DDX60: variants seen among roughly 807,000 people sequenced by gnomAD.
DDX60 encodes probable ATP-dependent RNA helicase DDX60.
Under a neutral mutation model 212.8 loss-of-function variants are expected in DDX60, and 165 were observed. That is an observed-to-expected ratio of 0.78 (90% CI 0.68 to 0.88). DDX60 has a LOEUF of 0.88. DDX60 is among the 40% of genes least tolerant of loss of function. The pLI is 0.00. For synonymous variants in DDX60, 703 were observed against 685.3 expected, an observed-to-expected ratio of 1.03 and a Z score of -0.40; for missense variants, 1,905 against 2,003.9, an observed-to-expected ratio of 0.95 and a Z score of 0.94.
rs755116660 is a variant in DDX60, at chr4:168,237,418, C to A, written c.4279G>T (p.Asp1427Tyr). 1 of 1,564,818 alleles carries A rather than the reference C, an allele frequency of 6.4e-7. No homozygotes were observed. Among genetic ancestry groups the A allele is most frequent in the South Asian group, 1.3e-5 (1 of 79,836 alleles). Residue 1427 changes from aspartate to tyrosine, a missense_variant, in exon 32 of 38, where the codon GAT (aspartate) becomes TAT (tyrosine). Physicochemically the swap from Asp to Tyr is radical, Grantham distance 160. Transcript: ENST00000393743. ...LQFLVKEGYL[D>Y]QEGNPMGFAG... Reference sequence around the variant, plus strand: ...AACCCCATAGGATTACCTTCTTGATCTAAATAGCCCTAAAGAACAAAAAAC... The same window carrying A: ...AACCCCATAGGATTACCTTCTTGATATAAATAGCCCTAAAGAACAAAAAAC...
intron 14 of DDX60, among the ~76,000 whole-genome samples, chr4:168,279,680 G>A (rs1735504964): frequency 6.6e-6 from 1 of 152,208 alleles, no homozygotes; most frequent in African/African-American, 2.4e-5. Flanking sequence ...CTGATTGATA[G>A]AGAGAGATTT....
chr4:168,254,355 C>T lies in DDX60; in HGVS notation c.3557+1356G>A, dbSNP rs1579004037. The stretch of plus-strand genomic sequence containing the variant: ...GAAGGCTTACACCTCCTATGCTGTC[C>T]CTGGGTTTTTACCTCCCATGCTTCT... On this transcript the variant is annotated intron_variant, in intron 26 of 37. Coordinates refer to ENST00000393743, the MANE Select transcript of DDX60 (RefSeq NM_017631.6). Among the ~76,000 whole-genome samples the T allele has an allele frequency of 4.6e-5, 7 of 152,020 alleles. 1 individual carries two copies. Among genetic ancestry groups the T allele is most frequent in the Admixed American group, 3.9e-4 (6 of 15,250 alleles).
intron 14 of DDX60, among the ~76,000 whole-genome samples, chr4:168,279,546 G>A (rs1347096635): frequency 6.6e-6 from 1 of 152,148 alleles, no homozygotes; most frequent in Admixed American, 6.5e-5. Context: ...AAGATGCAAT[G>A]GATTAATTAA....
chr4:168,277,380 T>A (rs1315869819), intron 14 of DDX60, among the ~76,000 whole-genome samples: 1 of 152,166 alleles, frequency 6.6e-6, no homozygotes, highest in Non-Finnish European at 1.5e-5. Context: ...CACAACCTTA[T>A]AAGTTGTTCT....
intron 6 of DDX60, 53 bp from the exon 7 acceptor site, chr4:168,293,998 T>C: frequency 6.5e-7 from 1 of 1,538,072 alleles, no homozygotes; most frequent in Non-Finnish European, 8.8e-7. Context: ...AATATTTTTA[T>C]TTGTAAGTGA....
chr4:168,267,547 T>G (rs1293163830), intron 22 of DDX60, 35 bp downstream of exon 22: 1 of 1,091,510 alleles, frequency 9.2e-7, no homozygotes, highest in Non-Finnish European at 1.3e-6. Context: ...ATATTTTATA[T>G]TACTTAGAAC....
At chr4:168,320,234 A>C (rs1040503216), upstream of DDX60, among the ~76,000 whole-genome samples, 3 of 152,188 alleles carry the variant, frequency 2.0e-5, no homozygotes, top group African/African-American at 7.2e-5. Flanking sequence ...AGATTAAATA[A>C]GAATCTTTAG....
chr4:168,254,639 A>C (rs1189779627), intron 26 of DDX60, among the ~76,000 whole-genome samples: 2 of 152,232 alleles, frequency 1.3e-5, no homozygotes, highest in East Asian at 3.8e-4. Context: ...AAAGAAATAC[A>C]TATAAACAAC....
At chr4:168,315,796 T>C (rs1737344423) in intron 1 of DDX60, among the ~76,000 whole-genome samples, 1 of 152,220 alleles carries the variant, frequency 6.6e-6, no homozygotes, top group South Asian at 2.1e-4. Flanking sequence ...ATGGGGTATA[T>C]GTGCCACATT....
intron 20 of DDX60, 71 bp from the exon 21 acceptor site, chr4:168,268,054 G>A (rs1734928216): frequency 1.2e-5 from 16 of 1,324,216 alleles, no homozygotes; most frequent in Non-Finnish European, 1.7e-5. Context: ...AGTAGTTTAA[G>A]TAAAGACAAT....
At chr4:168,239,168 A>G (rs951584833) in intron 30 of DDX60, among the ~76,000 whole-genome samples, 1 of 152,196 alleles carries the variant, frequency 6.6e-6, no homozygotes, top group African/African-American at 2.4e-5. Context: ...TCAGACAAAC[A>G]AACATTATTG....
intron 25 of DDX60, among the ~76,000 whole-genome samples, chr4:168,257,556 T>C (rs1258125752): frequency 6.6e-6 from 1 of 152,240 alleles, no homozygotes; most frequent in Non-Finnish European, 1.5e-5. Flanking sequence ...CTTCTCTTTT[T>C]ACATTAATGC....
intron 30 of DDX60, among the ~76,000 whole-genome samples, chr4:168,241,231 G>C (rs1733825503): frequency 6.6e-6 from 1 of 152,150 alleles, no homozygotes; most frequent in South Asian, 2.1e-4. Context: ...CCACTCTTGG[G>C]TATGTCTTTA....
Position 168,248,263 on chromosome 4 carries a change from T to A in DDX60, c.3888A>T (p.Leu1296Phe). The A allele has an allele frequency of 6.2e-7, 1 of 1,609,482 alleles. No individual in the cohort carries two copies. The highest frequency in any genetic ancestry group is 8.5e-7 in the Non-Finnish European group (1 of 1,178,330). Residue 1296 changes from leucine to phenylalanine, a missense_variant, in exon 29 of 38, where the codon TTA becomes TTT. By Grantham distance (22) the Leu-to-Phe change is conservative. Coordinates refer to ENST00000393743, the MANE Select transcript of DDX60 (RefSeq NM_017631.6). The part of the protein sequence containing the change: ...RVVTATGTLA[L>F]GVNMPCKSVV... ...CAGATTTACAAGGCATGTTGACACC[T>A]AAAGCAAGTGTTCCAGTAGCTGTCA...
Position 168,311,052 on chromosome 4 carries a change from GT to G in DDX60, c.19del (p.Thr7GlnfsTer10). Reference sequence around the variant, plus strand: ...CTGGGACATTTCCTGTGAAAATGTTGTAAGAACATTTCTTTCTAAATTTAAA... The same window carrying G: ...CTGGGACATTTCCTGTGAAAATGTTGAAGAACATTTCTTTCTAAATTTAAA... The part of the protein sequence containing the change: MERNVL[T>X]TFSQEMSQLI... On this transcript the variant is annotated frameshift_variant, in exon 3 of 38. Transcript: ENST00000393743. LOFTEE classifies it high-confidence loss of function. The G allele has an allele frequency of 6.4e-7, 1 of 1,571,414 alleles. No individual in the cohort carries two copies. The highest frequency in any genetic ancestry group is 8.7e-7 in the Non-Finnish European group (1 of 1,146,218).
chr4:168,223,462 T>C (rs1447279151), intron 35 of DDX60, among the ~76,000 whole-genome samples: 1 of 151,990 alleles, frequency 6.6e-6, no homozygotes, highest in Non-Finnish European at 1.5e-5. Context: ...TATAAATCCT[T>C]ATAAAAAGTT....
chr4:168,249,985 TAA>T (rs1247984222), intron 28 of DDX60, among the ~76,000 whole-genome samples: 2 of 152,218 alleles, frequency 1.3e-5, no homozygotes, highest in Admixed American at 6.5e-5. Context: ...GAATAATTTT[TAA>T]AAGTCAGTCT....
chr4:168,320,835 G>A (rs1286527224), upstream of DDX60, among the ~76,000 whole-genome samples: 7 of 152,216 alleles, frequency 4.6e-5, no homozygotes, highest in South Asian at 4.2e-4. Context: ...ATAAAGCTTC[G>A]AGGGATAAAA....
intron 26 of DDX60, among the ~76,000 whole-genome samples, chr4:168,253,450 T>C (rs962162730): frequency 6.6e-6 from 1 of 152,054 alleles, no homozygotes; most frequent in Non-Finnish European, 1.5e-5. Flanking sequence ...GCTGCACCAT[T>C]CCCTGGACAA....
Sources: allele counts gnomAD v4.1 joint callset (sites outside exome capture counted in the v4.1 genomes callset), GRCh38; gene constraint gnomAD v4.1.1; transcripts MANE v1.5; gene names NCBI Gene and HGNC (gene_info 2026-07-23, HGNC 2026-07-21).